Variants in FAM180A observed in about 807,000 individuals in gnomAD.
The protein encoded by FAM180A is protein FAM180A.
In FAM180A, 14 loss-of-function variants were observed where a neutral mutation model predicts 15.3. That is an observed-to-expected ratio of 0.92 (90% CI 0.61 to 1.43). FAM180A has a LOEUF of 1.43. Among genes scored for constraint, FAM180A ranks in the 40% most tolerant of loss-of-function variants. The pLI is 0.00. For synonymous variants in FAM180A, 90 were observed against 96.8 expected, an observed-to-expected ratio of 0.93 and a Z score of 0.41; for missense variants, 200 against 220.8, an observed-to-expected ratio of 0.91 and a Z score of 0.60.
chr7:135,742,443 A>G (rs959739917), intron 1 of FAM180A, among the ~76,000 whole-genome samples: 1 of 152,214 alleles, frequency 6.6e-6, no homozygotes, highest in African/African-American at 2.4e-5. Flanking sequence ...TTGTTTCCCC[A>G]GGAAGCCTTT....
chr7:135,746,453 T>C (rs532594623), intron 1 of FAM180A, among the ~76,000 whole-genome samples: 1 of 152,246 alleles, frequency 6.6e-6, no homozygotes, highest in Non-Finnish European at 1.5e-5. Flanking sequence ...GAACTAAAGC[T>C]CAGAGAGGTT....
At chr7:135,731,385 C>A (rs1796778257) in intron 3 of FAM180A, among the ~76,000 whole-genome samples, 1 of 151,822 alleles carries the variant, frequency 6.6e-6, no homozygotes, top group Non-Finnish European at 1.5e-5. Context: ...CAATGATACC[C>A]AGAGAAGACT....
intron 1 of FAM180A, among the ~76,000 whole-genome samples, chr7:135,745,242 A>G (rs2129496268): frequency 6.6e-6 from 1 of 152,248 alleles, no homozygotes; most frequent in East Asian, 1.9e-4. Flanking sequence ...TTAAATGGAC[A>G]CCTGAAAATG....
chr7:135,748,209 AAGAAATGAGTTCTACTTTCTATGAAGC>A (rs1372624376), intron 1 of FAM180A, among the ~76,000 whole-genome samples: 2 of 152,194 alleles, frequency 1.3e-5, no homozygotes, highest in South Asian at 2.1e-4. Context: ...GGGGCAGTCG[AAGAAATGAGTTCTACTTTCTATGAAGC>A]AGAAATGAGT....
At chr7:135,742,449 C>T (rs575627945) in intron 1 of FAM180A, among the ~76,000 whole-genome samples, 1 of 152,186 alleles carries the variant, frequency 6.6e-6, no homozygotes, top group Non-Finnish European at 1.5e-5. Context: ...CCCCAGGAAG[C>T]CTTTCCTGAG....
chr7:135,745,924 C>T (rs1488580207), intron 1 of FAM180A, among the ~76,000 whole-genome samples: 1 of 151,744 alleles, frequency 6.6e-6, no homozygotes, highest in East Asian at 1.9e-4. Flanking sequence ...TTTGGAAAAA[C>T]TTACTCATTT....
chr7:135,733,884 G>T lies in FAM180A; in HGVS notation c.*91C>A. 1 of 1,455,054 alleles carries T rather than the reference G, an allele frequency of 6.9e-7. No homozygotes were observed. 90.1% of individuals were successfully genotyped at this position (1,455,054 alleles called of 1,614,324 possible). The stretch of plus-strand genomic sequence containing the variant: ...GCTCTGTGTCAGCGGTAAGAGTTTT[G>T]TTGCTGGTCTCTGTAAATGGAGTAG... On this transcript the variant is annotated 3_prime_UTR_variant, in exon 3 of 4. Coordinates refer to ENST00000338588, the MANE Select transcript of FAM180A (RefSeq NM_205855.4).
chr7:135,738,084 A>G (rs569431869), intron 1 of FAM180A, among the ~76,000 whole-genome samples: 1 of 152,374 alleles, frequency 6.6e-6, no homozygotes, highest in South Asian at 2.1e-4. Flanking sequence ...AAGAATCTGA[A>G]CACACATGAC....
chr7:135,746,803 A>G (rs1797038027), intron 1 of FAM180A, among the ~76,000 whole-genome samples: 1 of 130,706 alleles, frequency 7.7e-6, no homozygotes, highest in Non-Finnish European at 1.8e-5. Context: ...GTACATTTAA[A>G]AAGAACTAAA....
intron 1 of FAM180A, among the ~76,000 whole-genome samples, chr7:135,741,071 GC>G (rs1231658268): frequency 6.6e-6 from 1 of 152,122 alleles, no homozygotes; most frequent in Non-Finnish European, 1.5e-5. Flanking sequence ...GCCGCTGCCT[GC>G]CTGGAAGTTA....
At chr7:135,731,293 A>G (rs1796776977) in intron 3 of FAM180A, among the ~76,000 whole-genome samples, 1 of 152,096 alleles carries the variant, frequency 6.6e-6, no homozygotes, top group South Asian at 2.1e-4. Flanking sequence ...GAAAAGTACA[A>G]ACTGTGAAGA....
At chr7:135,745,273 T>C (rs567739673) in intron 1 of FAM180A, among the ~76,000 whole-genome samples, 96 of 152,284 alleles carry the variant, frequency 6.3e-4, no homozygotes, top group African/African-American at 2.0e-3. Context: ...CACCAAAAAA[T>C]GGAAGGGCTG....
intron 3 of FAM180A, among the ~76,000 whole-genome samples, chr7:135,731,360 T>C (rs555390251): frequency 1.3e-5 from 2 of 152,120 alleles, no homozygotes; most frequent in East Asian, 3.9e-4. Context: ...TACACTGACT[T>C]GTGTTTTACT....
chr7:135,748,237 A>G (rs1797058807), intron 1 of FAM180A, among the ~76,000 whole-genome samples: 1 of 152,210 alleles, frequency 6.6e-6, no homozygotes, highest in South Asian at 2.1e-4. Flanking sequence ...TCTATGAAGC[A>G]GAAATGAGTT....
intron 1 of FAM180A, among the ~76,000 whole-genome samples, chr7:135,745,150 C>G (rs527855976): frequency 6.6e-6 from 1 of 151,992 alleles, no homozygotes; most frequent in Non-Finnish European, 1.5e-5. Context: ...CCACCGTGCC[C>G]GGCAGTCAGT....
intron 1 of FAM180A, among the ~76,000 whole-genome samples, chr7:135,743,917 G>A (rs932396285): frequency 2.6e-5 from 4 of 152,082 alleles, no homozygotes; most frequent in Non-Finnish European, 5.9e-5. Flanking sequence ...TTTTCTAATA[G>A]GGTGAATCTA....
At chr7:135,740,732 G>C (rs970581204) in intron 1 of FAM180A, among the ~76,000 whole-genome samples, 1 of 152,108 alleles carries the variant, frequency 6.6e-6, no homozygotes, top group Non-Finnish European at 1.5e-5. Context: ...GGCACAAAGA[G>C]GGCATGGACT....
At chr7:135,732,557 G>T (rs996093291) in intron 3 of FAM180A, among the ~76,000 whole-genome samples, 6 of 152,124 alleles carry the variant, frequency 3.9e-5, no homozygotes, top group Admixed American at 2.6e-4. Flanking sequence ...GCCAGGTGTG[G>T]TGGTGCGCGC....
chr7:135,742,127 G>C (rs1242817582), intron 1 of FAM180A, among the ~76,000 whole-genome samples: 1 of 152,146 alleles, frequency 6.6e-6, no homozygotes, highest in East Asian at 1.9e-4. Context: ...CCAGCTCTAG[G>C]GCAGACATCT....
Sources: gnomAD v4.1 joint callset for allele counts (sites outside exome capture counted in the v4.1 genomes callset) on GRCh38, gnomAD v4.1.1 for gene constraint, MANE v1.5 for transcripts, NCBI Gene and HGNC (gene_info 2026-07-23, HGNC 2026-07-21) for gene names.